The following VSTM4 variants were observed in gnomAD, a reference collection of about 807,000 sequenced individuals.
The protein encoded by VSTM4 is V-set and transmembrane domain containing 4.
A neutral mutation model predicts 36.4 loss-of-function variants in VSTM4; 20 were observed. The observed-to-expected ratio is 0.55, with a 90% CI of 0.39 to 0.80. The LOEUF (loss-of-function observed/expected upper bound fraction) is 0.80. Among genes scored for constraint, VSTM4 ranks in the 30% least tolerant of loss-of-function variants. The pLI, the probability that VSTM4 is intolerant of heterozygous loss-of-function variation, is 0.00. For synonymous variants in VSTM4, 182 were observed against 173.9 expected, an observed-to-expected ratio of 1.05 and a Z score of -0.37; for missense variants, 392 against 404.5, an observed-to-expected ratio of 0.97 and a Z score of 0.26.
At chr10:49,108,594 G>A (rs984978873) in intron 1 of VSTM4, among the ~76,000 whole-genome samples, 29 of 152,224 alleles carry the variant, frequency 1.9e-4, no homozygotes, top group African/African-American at 7.0e-4. Context: ...ATGTGAGCTG[G>A]GACAACAGGG....
chr10:49,098,361 G>A (rs1025768637), intron 2 of VSTM4, among the ~76,000 whole-genome samples: 1 of 152,222 alleles, frequency 6.6e-6, no homozygotes, highest in East Asian at 1.9e-4. Flanking sequence ...TATTTACAGA[G>A]TTAGACCCCT....
chr10:49,071,754 G>A (rs956114001), intron 4 of VSTM4, among the ~76,000 whole-genome samples: 4 of 152,210 alleles, frequency 2.6e-5, no homozygotes, highest in Admixed American at 6.5e-5. Context: ...AGCAGGTGCC[G>A]GGCTCAGCTC....
At chr10:49,069,292 C>T (rs1372313703) in intron 4 of VSTM4, among the ~76,000 whole-genome samples, 1 of 152,222 alleles carries the variant, frequency 6.6e-6, no homozygotes, top group Non-Finnish European at 1.5e-5. Flanking sequence ...TTCTGACCTC[C>T]AGGCTTTGCA....
chr10:49,047,755 G>A (rs1172094521), intron 6 of VSTM4, among the ~76,000 whole-genome samples: 1 of 152,116 alleles, frequency 6.6e-6, no homozygotes, highest in Non-Finnish European at 1.5e-5. Flanking sequence ...CTCACCAACA[G>A]GCTTCCCCAC....
intron 5 of VSTM4, among the ~76,000 whole-genome samples, chr10:49,057,444 CTG>C (rs1294200951): frequency 6.6e-6 from 1 of 152,220 alleles, no homozygotes; most frequent in African/African-American, 2.4e-5. Context: ...ACAGGCAAGT[CTG>C]TGCCTGCTGT....
At chr10:49,028,847 T>A (rs2254617) in intron 7 of VSTM4, among the ~76,000 whole-genome samples, 1 of 152,050 alleles carries the variant, frequency 6.6e-6, no homozygotes, top group East Asian at 1.9e-4. Context: ...AACTGGGACA[T>A]GGAATGTTTA....
intron 7 of VSTM4, among the ~76,000 whole-genome samples, chr10:49,040,927 C>T (rs558420486): frequency 1.0e-3 from 156 of 152,270 alleles, no homozygotes; most frequent in African/African-American, 3.4e-3. Flanking sequence ...GCAGGAAGCA[C>T]TGTGTTACAG....
intron 2 of VSTM4, among the ~76,000 whole-genome samples, chr10:49,089,509 A>G (rs1844433385): frequency 6.6e-6 from 1 of 152,144 alleles, no homozygotes; most frequent in Non-Finnish European, 1.5e-5. Flanking sequence ...TCCCTTATTT[A>G]GGATAGAAAG....
intron 2 of VSTM4, among the ~76,000 whole-genome samples, chr10:49,098,150 C>T (rs922661640): frequency 2.0e-5 from 3 of 152,194 alleles, no homozygotes; most frequent in Non-Finnish European, 2.9e-5. Flanking sequence ...AATTCTCATC[C>T]CGTTTTCCTT....
At chr10:49,064,414 C>A in intron 5 of VSTM4, 1 of 420,336 alleles carries the variant, frequency 2.4e-6, no homozygotes, top group Non-Finnish European at 4.3e-6. Flanking sequence ...CAAGTGTGAG[C>A]CCCTTCCTAA....
intron 3 of VSTM4, among the ~76,000 whole-genome samples, chr10:49,078,758 T>C (rs561393744): frequency 6.6e-6 from 1 of 152,314 alleles, no homozygotes; most frequent in South Asian, 2.1e-4. Context: ...GATATTGTTT[T>C]ATGGTTTTGC....
At chr10:49,102,432 C>T (rs1844685036) in intron 2 of VSTM4, 1 of 985,386 alleles carries the variant, frequency 1.0e-6, no homozygotes, top group Admixed American at 6.1e-5. Context: ...CCATGCCTGG[C>T]CAACTCTTTT....
At chr10:49,098,032 C>G (rs1008657992) in intron 2 of VSTM4, among the ~76,000 whole-genome samples, 2 of 152,112 alleles carry the variant, frequency 1.3e-5, no homozygotes, top group Non-Finnish European at 2.9e-5. Context: ...TTCAGTATGC[C>G]CTGGACACTC....
chr10:49,052,827 T>G (rs1186544419), intron 5 of VSTM4, among the ~76,000 whole-genome samples: 2 of 152,178 alleles, frequency 1.3e-5, no homozygotes, highest in Non-Finnish European at 2.9e-5. Flanking sequence ...TTCCTTAAGG[T>G]GGAGAACACC....
intron 2 of VSTM4, among the ~76,000 whole-genome samples, chr10:49,100,105 T>C (rs1401592236): frequency 6.6e-6 from 1 of 152,218 alleles, no homozygotes; most frequent in Non-Finnish European, 1.5e-5. Flanking sequence ...CAGTTGTTTT[T>C]TTGATAGGTT....
intron 2 of VSTM4, among the ~76,000 whole-genome samples, chr10:49,097,624 G>A (rs1200600558): frequency 6.6e-6 from 1 of 152,220 alleles, no homozygotes; most frequent in East Asian, 1.9e-4. Flanking sequence ...GAGCATGCAG[G>A]ACAGACATGG....
At chr10:49,113,459 A>G (rs576271186) in intron 1 of VSTM4, among the ~76,000 whole-genome samples, 44 of 152,256 alleles carry the variant, frequency 2.9e-4, no homozygotes, top group African/African-American at 8.9e-4. Flanking sequence ...TATTTTCTCA[A>G]TTTATCCTGA....
At chr10:49,019,831 A>G in intron 7 of VSTM4, 56 bp from the exon 8 acceptor site, 4 of 1,560,836 alleles carry the variant, frequency 2.6e-6, no homozygotes, top group Non-Finnish European at 1.7e-6. Context: ...GGAGCTCTAC[A>G]TCACACATTC....
intron 7 of VSTM4, among the ~76,000 whole-genome samples, chr10:49,044,074 T>C (rs1390140516): frequency 6.6e-6 from 1 of 152,196 alleles, no homozygotes; most frequent in Non-Finnish European, 1.5e-5. Context: ...ATGCCTGTAA[T>C]CCCAACACTT....
Sources: gnomAD v4.1 joint callset for allele counts (sites outside exome capture counted in the v4.1 genomes callset) on GRCh38, gnomAD v4.1.1 for gene constraint, MANE v1.5 for transcripts, NCBI Gene and HGNC (gene_info 2026-07-23, HGNC 2026-07-21) for gene names.